ZFP90: variants seen among roughly 807,000 people sequenced by gnomAD.
ZFP90 encodes the protein ZFP90 zinc finger protein.
Under a neutral mutation model 60.8 loss-of-function variants are expected in ZFP90, and 38 were observed. The ratio of observed to expected loss-of-function variants is 0.62; its 90% confidence interval spans 0.48 to 0.82. The LOEUF (loss-of-function observed/expected upper bound fraction) is 0.82, where lower values mean the gene tolerates loss of function less well. Among genes scored for constraint, ZFP90 ranks in the 40% least tolerant of loss-of-function variants. The pLI, the probability that ZFP90 is intolerant of heterozygous loss-of-function variation, is 0.00. For synonymous variants in ZFP90, 287 were observed against 264.8 expected, an observed-to-expected ratio of 1.08 and a Z score of -0.82; for missense variants, 711 against 759.1, an observed-to-expected ratio of 0.94 and a Z score of 0.74.
chr16:68,572,487 C>T (rs1318933474), intron 2 of ZFP90, among the ~76,000 whole-genome samples: 1 of 152,110 alleles, frequency 6.6e-6, no homozygotes, highest in Non-Finnish European at 1.5e-5. Context: ...TAAAGGGTGT[C>T]ACAGAGACTG....
chr16:68,542,953 T>C (rs1275349344), intron 2 of ZFP90, among the ~76,000 whole-genome samples: 1 of 151,980 alleles, frequency 6.6e-6, no homozygotes, highest in African/African-American at 2.4e-5. Context: ...AGTAAATAAA[T>C]AAATTGTATG....
At chr16:68,537,433 G>T (rs550947949), upstream of ZFP90, among the ~76,000 whole-genome samples, 37 of 152,170 alleles carry the variant, frequency 2.4e-4, no homozygotes, top group Middle Eastern at 3.4e-3. Flanking sequence ...GCCTGCAGTT[G>T]CCTTAAGTTG....
upstream of ZFP90, among the ~76,000 whole-genome samples, chr16:68,534,480 G>A (rs1001273401): frequency 2.0e-5 from 3 of 149,088 alleles, no homozygotes; most frequent in Middle Eastern, 3.5e-3. Flanking sequence ...CACCTGCCTC[G>A]GCCTCTCAAA....
At chr16:68,534,463 T>C (rs62059504), upstream of ZFP90, among the ~76,000 whole-genome samples, 113,974 of 148,968 alleles carry the variant, frequency 0.77, 43,693 homozygotes, top group East Asian at 0.82. Context: ...CTCCTAACCT[T>C]GTGATCCACC....
At chr16:68,551,037 A>G (rs2091250827) in intron 2 of ZFP90, among the ~76,000 whole-genome samples, 1 of 152,206 alleles carries the variant, frequency 6.6e-6, no homozygotes, top group Non-Finnish European at 1.5e-5. Flanking sequence ...TTGTTAAACT[A>G]TGATCAATCT....
In ZFP90 at chr16:68,542,532, A is replaced by G. The variant is rs575806276; in HGVS notation, c.33+2707A>G. On this transcript the variant is annotated intron_variant, in intron 2 of 4. Transcript: ENST00000563169. The stretch of plus-strand genomic sequence containing the variant: ...CTTGAACCTGGGAGGTGGAGGTTGC[A>G]GTGAACCGAGATCCTGCCACTGCAC... Among the ~76,000 whole-genome samples the G allele has an allele frequency of 3.8e-4, 58 of 152,248 alleles. 1 individual carries two copies. In the South Asian group the frequency reaches 0.011, roughly 29 times the overall value.
Position 68,563,149 on chromosome 16 carries a change from G to A in ZFP90, c.362G>A (p.Trp121Ter), listed in dbSNP as rs1449964258. 1 of 1,613,946 alleles carries A rather than the reference G, an allele frequency of 6.2e-7. No homozygotes were observed. Among genetic ancestry groups the A allele is most frequent in the Non-Finnish European group, 8.5e-7 (1 of 1,180,004 alleles). ...DLLHATLEDS[W>*]DVSSQLDRQQ... Reference sequence around the variant, plus strand: ...TTACATGCTACATTAGAAGACTCCTGGGATGTTAGCAGCCAGTTAGACAGG... The same window carrying A: ...TTACATGCTACATTAGAAGACTCCTAGGATGTTAGCAGCCAGTTAGACAGG... The change falls in exon 5 of 5, where the codon TGG becomes TAG. Residue 121 changes from tryptophan to a stop codon, truncating the protein, a stop_gained. Transcript: ENST00000563169. LOFTEE classifies it high-confidence loss of function.
At position 68,563,784 on chromosome 16, in the gene ZFP90, A is replaced by T. The variant is rs544238584; in HGVS notation, c.997A>T (p.Thr333Ser). 6.2e-7 allele frequency: 1 copy of T among 1,614,122 alleles called. No homozygotes were observed. The highest frequency in any genetic ancestry group is 2.2e-5 in the East Asian group (1 of 44,882). ...CCTTGTTCAACACCAGCGAATTCACACTGGAGAGAAACCCTATCGATGTAA... is the reference window on the plus strand; with the variant it reads ...CCTTGTTCAACACCAGCGAATTCACTCTGGAGAGAAACCCTATCGATGTAA... ...SSLVQHQRIH[T>S]GEKPYRCNLC... Residue 333 changes from threonine to serine, a missense_variant, in exon 5 of 5, where the codon ACT (threonine) becomes TCT (serine). Thr to Ser is a moderately conservative substitution (Grantham distance 58). This residue lies in a region of ZFP90 where 146 missense variants were observed against 201.4 expected (regional missense o/e 0.73). Coordinates refer to ENST00000563169, the MANE Select transcript of ZFP90 (RefSeq NM_001305203.2).
At chr16:68,549,540 G>T (rs936034370) in intron 2 of ZFP90, among the ~76,000 whole-genome samples, 1 of 152,008 alleles carries the variant, frequency 6.6e-6, no homozygotes, top group Non-Finnish European at 1.5e-5. Flanking sequence ...TTAGCTGGGC[G>T]TGGTGGCGGG....
chr16:68,545,770 A>G (rs2091138187), intron 2 of ZFP90, among the ~76,000 whole-genome samples: 1 of 152,212 alleles, frequency 6.6e-6, no homozygotes, highest in African/African-American at 2.4e-5. Context: ...AGCAGAGATC[A>G]CGCCACTGCA....
At position 68,565,036 on chromosome 16, in the gene ZFP90, C is replaced by A. The variant is rs2091503659; in HGVS notation, c.*338C>A. 3 of 1,018,150 alleles carry A rather than the reference C, an allele frequency of 2.9e-6. No homozygotes were observed. The highest frequency in any genetic ancestry group is 2.3e-6 in the Non-Finnish European group (2 of 851,696). The allele number at this position is 1,018,150 out of a possible 1,614,324, so 63.1% of individuals were successfully genotyped here. ...CAATGTCAACAGCTTTTTTAAAAAG[C>A]AAATTCCTGCAGTAATGACCAAAAC... On this transcript the variant is annotated 3_prime_UTR_variant, in exon 5 of 5. Transcript: ENST00000563169.
intron 4 of ZFP90, among the ~76,000 whole-genome samples, chr16:68,560,950 A>G (rs1470697313): frequency 1.3e-5 from 2 of 149,308 alleles, no homozygotes; most frequent in South Asian, 2.1e-4. Context: ...GGCATGATGC[A>G]GTGGCATGAT....
At chr16:68,554,909 G>T (rs11641652) in intron 2 of ZFP90, among the ~76,000 whole-genome samples, 8 of 152,030 alleles carry the variant, frequency 5.3e-5, no homozygotes, top group Admixed American at 2.6e-4. Context: ...ATGTCTAGAG[G>T]GTAGAGTAGG....
At chr16:68,559,672 A>G (rs565777941) in intron 4 of ZFP90, among the ~76,000 whole-genome samples, 20 of 152,098 alleles carry the variant, frequency 1.3e-4, no homozygotes, top group African/African-American at 4.8e-4. Flanking sequence ...GGCTCAAGCA[A>G]TCCTCCCACC....
chr16:68,546,406 A>G (rs1372083657), intron 2 of ZFP90, among the ~76,000 whole-genome samples: 2 of 152,200 alleles, frequency 1.3e-5, no homozygotes, highest in Non-Finnish European at 2.9e-5. Flanking sequence ...CCATTAAACA[A>G]TAACTTTTCA....
intron 2 of ZFP90, among the ~76,000 whole-genome samples, 164 bp downstream of exon 2, chr16:68,539,989 A>T (rs2091011550): frequency 6.6e-6 from 1 of 152,206 alleles, no homozygotes; most frequent in Non-Finnish European, 1.5e-5. Flanking sequence ...GGGGAGCTGG[A>T]TTCCCAAAGG....
In ZFP90 at chr16:68,539,432, G is replaced by C; in HGVS notation, c.-83G>C. On this transcript the variant is annotated 5_prime_UTR_variant, in exon 1 of 5. Transcript: ENST00000563169. The stretch of plus-strand genomic sequence containing the variant: ...GGAGGAGCTGCCCGAGGCTCTGGGT[G>C]GGCCGGAGGTCGCGAAATCCGGAGC... The C allele has an allele frequency of 2.9e-6, 1 of 343,126 alleles. No homozygotes were observed. The highest frequency in any genetic ancestry group is 5.3e-6 in the Non-Finnish European group (1 of 188,658). 21.3% of individuals were successfully genotyped at this position (343,126 alleles called of 1,614,324 possible).
rs1432412133 is a variant in ZFP90 at position 68,564,394 on chromosome 16, G to A, written c.1607G>A (p.Arg536Gln). 1.2e-6 allele frequency: 2 copies of A among 1,613,550 alleles called. No homozygotes were observed. The highest frequency in any genetic ancestry group is 1.7e-6 in the Non-Finnish European group (2 of 1,179,880). Residue 536 changes from arginine (R) to glutamine (Q), a missense_variant, in exon 5 of 5, where the codon CGA becomes CAA. Around this residue, in one of 5 missense-constraint regions of ZFP90, gnomAD observed 295 missense variants for 274.0 expected, o/e 1.08. Coordinates refer to ENST00000563169, the MANE Select transcript of ZFP90 (RefSeq NM_001305203.2). ...ECNECGEAFS[R>Q]RSSLTQHERT... ...AATGAGTGTGGAGAAGCCTTTAGTC[G>A]ACGCTCATCGCTTACTCAACATGAG...
At position 68,565,683 on chromosome 16, in the gene ZFP90, C is replaced by T. The variant is rs942423907; in HGVS notation, c.*985C>T. The stretch of plus-strand genomic sequence containing the variant: ...CTACAGTATCAGATCAATGGGAAAA[C>T]AACAGAAAACTAAGAGGAGAATTTT... On this transcript the variant is annotated 3_prime_UTR_variant, in exon 5 of 5. Transcript: ENST00000563169. The T allele has an allele frequency of 2.0e-6, 2 of 985,124 alleles. No homozygotes were observed. Among genetic ancestry groups the T allele is most frequent in the African/African-American group, 3.5e-5 (2 of 57,114 alleles). 61.0% of individuals were successfully genotyped at this position (985,124 alleles called of 1,614,324 possible).
Sources: allele counts gnomAD v4.1 joint callset (sites outside exome capture counted in the v4.1 genomes callset), GRCh38; gene constraint gnomAD v4.1.1; regional missense constraint gnomAD v4.1.1; transcripts MANE v1.5; gene names NCBI Gene and HGNC (gene_info 2026-07-23, HGNC 2026-07-21).